KIF18B: variants seen among roughly 807,000 people sequenced by gnomAD.
KIF18B encodes the protein kinesin-like protein KIF18B.
In KIF18B, 49 loss-of-function variants were observed where a neutral mutation model predicts 80.9. The observed-to-expected ratio is 0.61, with a 90% CI of 0.48 to 0.77. The LOEUF is 0.77. KIF18B is among the 30% of genes least tolerant of loss of function. The probability of loss-of-function intolerance (pLI) is 0.00; values close to 1 mark genes in which losing one functional copy is unlikely to be tolerated. For missense variants in KIF18B, 994 were observed against 1,127.7 expected, an observed-to-expected ratio of 0.88 and a Z score of 1.70; for synonymous variants, 439 against 463.9, an observed-to-expected ratio of 0.95 and a Z score of 0.69.
At position 44,934,606 on chromosome 17, in the gene KIF18B, G is replaced by C. The variant is rs367895996; in HGVS notation, c.588C>G (p.Ala196=). The part of the protein sequence containing the change: ...QGLSFHQPAS[A]EQLLEILTRG... The stretch of plus-strand genomic sequence containing the variant: ...TGGTCAGTATCTCCAGCAGCTGCTC[G>C]GCTGAGGCTGGCTACAGAGGAGAAG... The change falls in exon 5 of 16, where the codon GCC becomes GCG. Residue 196 remains alanine (A), a synonymous_variant. Transcript: ENST00000593135. This position sits in a 1 kb window ranked among gnomAD's most constrained non-coding sequence, Gnocchi z 5.4. 1 of 1,604,554 alleles carries C rather than the reference G, an allele frequency of 6.2e-7. No homozygotes were observed. The highest frequency in any genetic ancestry group is 2.2e-5 in the East Asian group (1 of 44,690).
intron 1 of KIF18B, among the ~76,000 whole-genome samples, chr17:44,943,763 AGTG>A (rs2052462318): frequency 6.6e-6 from 1 of 152,178 alleles, no homozygotes; most frequent in African/African-American, 2.4e-5. Flanking sequence ...GCTGGAATGC[AGTG>A]GTGGGATCAC....
Position 44,927,747 on chromosome 17 carries a change from T to C in KIF18B, c.2276+279A>G, listed in dbSNP as rs2052059272. On this transcript the variant is annotated intron_variant, in intron 13 of 15. Transcript: ENST00000593135. This position sits in a 1 kb window ranked among gnomAD's most constrained non-coding sequence, Gnocchi z 4.1. Reference sequence around the variant, plus strand: ...ACATTCTTGTTCCCTGCTGACTCTTTCCAAGTTGGGGTCCCATTAGCTACT... The same window carrying C: ...ACATTCTTGTTCCCTGCTGACTCTTCCCAAGTTGGGGTCCCATTAGCTACT... Among the ~76,000 whole-genome samples the C allele has an allele frequency of 2.6e-5, 4 of 152,316 alleles. No individual in the cohort carries two copies. The South Asian group carries it at 8.3e-4, about 32-fold the overall frequency.
chr17:44,932,130 C>G lies in KIF18B; in HGVS notation c.1315G>C (p.Glu439Gln), dbSNP rs550488305. Reference protein sequence around the residue: ...EESLGMEAQVERAMEGNSSDQ... With the variant: ...EESLGMEAQVQRAMEGNSSDQ... ...GAAGAGTTCCCTTCCATGGCCCTCTCCACCTGGGCCTCCATCCCCAGACTC... is the reference window on the plus strand; with the variant it reads ...GAAGAGTTCCCTTCCATGGCCCTCTGCACCTGGGCCTCCATCCCCAGACTC... Residue 439 changes from glutamate to glutamine, a missense_variant, in exon 10 of 16, where the codon GAG (glutamate) becomes CAG (glutamine). Glu to Gln is a conservative substitution (Grantham distance 29, BLOSUM62 2). Transcript: ENST00000593135. 1 of 1,613,902 alleles carries G rather than the reference C, an allele frequency of 6.2e-7. No individual in the cohort carries two copies. Among genetic ancestry groups the G allele is most frequent in the South Asian group, 1.1e-5 (1 of 91,056 alleles).
chr17:44,932,884 C>T, intron 8 of KIF18B, 28 bp downstream of exon 8: 1 of 1,594,252 alleles, frequency 6.3e-7, no homozygotes, highest in Non-Finnish European at 8.6e-7. Flanking sequence ...GTCGGCCCTC[C>T]AGCCTGCCCC....
intron 11 of KIF18B, among the ~76,000 whole-genome samples, chr17:44,929,833 G>A (rs938017120): frequency 1.3e-5 from 2 of 152,146 alleles, no homozygotes; most frequent in Admixed American, 6.6e-5. Context: ...GAATCAAGGC[G>A]TATTTCACAG....
chr17:44,937,984 ACAC>A (rs1309605762), intron 1 of KIF18B, among the ~76,000 whole-genome samples: 16 of 99,324 alleles, frequency 1.6e-4, no homozygotes, highest in Middle Eastern at 5.5e-3. Flanking sequence ...CCATACACAC[ACAC>A]ACACACACAC....
At chr17:44,947,113 CA>C (rs57955845) in intron 1 of KIF18B, among the ~76,000 whole-genome samples, 1,211 of 53,898 alleles carry the variant, frequency 0.022, 11 homozygotes, top group African/African-American at 0.049. Context: ...ACTCCATCTC[CA>C]AAAAAAAAAA....
rs895127568 is a variant in KIF18B, at chr17:44,937,226, A to T, written c.-14-868T>A. 9.3e-4 allele frequency among the ~76,000 whole-genome samples: 141 copies of T among 151,806 alleles called. 3 individuals carry two copies. The South Asian group carries it at 0.029, about 31-fold the overall frequency. Reference sequence around the variant, plus strand: ...GAAAATTTTATCAATTCTACCCCCAACCTAGAGCCCTCTCCTCCCTCAAAA... The same window carrying T: ...GAAAATTTTATCAATTCTACCCCCATCCTAGAGCCCTCTCCTCCCTCAAAA... On this transcript the variant is annotated intron_variant, in intron 1 of 15. Coordinates refer to ENST00000593135, the MANE Select transcript of KIF18B (RefSeq NM_001265577.2).
At chr17:44,926,723 G>T (rs2052034620) in intron 14 of KIF18B, among the ~76,000 whole-genome samples, 1 of 152,170 alleles carries the variant, frequency 6.6e-6, no homozygotes, top group South Asian at 2.1e-4. Flanking sequence ...CCCTTTGCTG[G>T]ATTAATGGTG....
intron 1 of KIF18B, among the ~76,000 whole-genome samples, chr17:44,947,186 C>T (rs2052528394): frequency 6.7e-6 from 1 of 148,534 alleles, no homozygotes; most frequent in African/African-American, 2.5e-5. Flanking sequence ...GCTCTGCAAT[C>T]AGTTCAGTAG....
intron 1 of KIF18B, among the ~76,000 whole-genome samples, chr17:44,938,704 C>G (rs2052357248): frequency 6.6e-6 from 1 of 152,150 alleles, no homozygotes; most frequent in South Asian, 2.1e-4. Context: ...CATTCTTCCT[C>G]CACCAATTTG....
At position 44,936,014 on chromosome 17, in the gene KIF18B, C is replaced by T; in HGVS notation, c.313+18G>A. On this transcript the variant is annotated intron_variant, in intron 2 of 15. Transcript: ENST00000593135. ...GCAGGGAGGCCAGGCCACTGCCAGG[C>T]AGGGCTGAGGTTCTCACCTGAGCAG... 6.2e-7 allele frequency: 1 copy of T among 1,609,510 alleles called. No homozygotes were observed. The highest frequency in any genetic ancestry group is 8.5e-7 in the Non-Finnish European group (1 of 1,176,556).
chr17:44,931,038 A>C (rs1247778602), intron 11 of KIF18B, among the ~76,000 whole-genome samples: 1 of 152,152 alleles, frequency 6.6e-6, no homozygotes, highest in Non-Finnish European at 1.5e-5. Flanking sequence ...GCTAAGTGGC[A>C]GGGGATTTAG....
In KIF18B at chr17:44,939,957, C is replaced by A. The variant is rs999418907; in HGVS notation, c.-14-3599G>T. ...CAGCTGGGATTACAGGCGTGTGCCACCACGCCCAGCTAATTTTTGTATTTT... is the reference window on the plus strand; with the variant it reads ...CAGCTGGGATTACAGGCGTGTGCCAACACGCCCAGCTAATTTTTGTATTTT... On this transcript the variant is annotated intron_variant, in intron 1 of 15. Transcript: ENST00000593135. 3.3e-4 allele frequency among the ~76,000 whole-genome samples: 50 copies of A among 152,218 alleles called. 1 individual carries two copies. The highest frequency in any genetic ancestry group is 7.3e-5 in the Non-Finnish European group (5 of 68,042).
Position 44,939,092 on chromosome 17 carries a change from C to T in KIF18B, c.-14-2734G>A, listed in dbSNP as rs1269952154. Among the ~76,000 whole-genome samples, 10 of 144,526 alleles carry T rather than the reference C, an allele frequency of 6.9e-5. No homozygotes were observed. The East Asian group carries it at 1.5e-3, about 21-fold the overall frequency. The allele number at this position is 144,526 out of a possible 152,430, so 94.8% of individuals were successfully genotyped here. On this transcript the variant is annotated intron_variant, in intron 1 of 15. Transcript: ENST00000593135. ...AAAAAAAAGGAACATGAATTTGTGC[C>T]GGGTGCGGTGGCTCATGCCTGTAAT...
At chr17:44,932,872 C>T in intron 8 of KIF18B, 40 bp downstream of exon 8, 1 of 1,590,132 alleles carries the variant, frequency 6.3e-7, no homozygotes, top group Non-Finnish European at 8.6e-7. Flanking sequence ...CTGCCTCTGG[C>T]TGTCGGCCCT....
At chr17:44,937,713 C>T (rs2052336518) in intron 1 of KIF18B, among the ~76,000 whole-genome samples, 1 of 152,094 alleles carries the variant, frequency 6.6e-6, no homozygotes, top group Admixed American at 6.6e-5. Flanking sequence ...TTTACCTTTT[C>T]TTCTCCATAT....
chr17:44,929,879 A>T (rs560273198), intron 11 of KIF18B, among the ~76,000 whole-genome samples: 32 of 152,328 alleles, frequency 2.1e-4, no homozygotes. Flanking sequence ...TGATGAAGGT[A>T]ATGAGATTAT....
Position 44,926,053 on chromosome 17 carries a change from A to G in KIF18B, c.*27T>C, listed in dbSNP as rs1422580053. On this transcript the variant is annotated 3_prime_UTR_variant, in exon 16 of 16. Transcript: ENST00000593135. Reference sequence around the variant, plus strand: ...AGCAGAGGGGCCGGTAGGTTAGGACACCTTGGTGGTCAGGACATTCTGGCG... The same window carrying G: ...AGCAGAGGGGCCGGTAGGTTAGGACGCCTTGGTGGTCAGGACATTCTGGCG... 6.2e-7 allele frequency: 1 copy of G among 1,613,556 alleles called. No individual in the cohort carries two copies. The highest frequency in any genetic ancestry group is 1.7e-5 in the Admixed American group (1 of 59,998).
Sources: gnomAD v4.1 joint callset for allele counts (sites outside exome capture counted in the v4.1 genomes callset) on GRCh38, gnomAD v4.1.1 for gene constraint, Gnocchi (gnomAD v3.1) non-coding constraint, MANE v1.5 for transcripts, NCBI Gene and HGNC (gene_info 2026-07-23, HGNC 2026-07-21) for gene names.